TAOK2: variants seen among roughly 807,000 people sequenced by gnomAD.
TAOK2 encodes the protein serine/threonine-protein kinase TAO2.
Under a neutral mutation model 122.5 loss-of-function variants are expected in TAOK2, and 42 were observed. The ratio of observed to expected loss-of-function variants is 0.34; its 90% confidence interval spans 0.27 to 0.44. The LOEUF (loss-of-function observed/expected upper bound fraction) is 0.44, where lower values mean the gene tolerates loss of function less well. Among genes scored for constraint, TAOK2 ranks in the 20% least tolerant of loss-of-function variants. TAOK2 has a pLI of 1.00. For missense variants in TAOK2, 1,264 were observed against 1,644.9 expected (o/e 0.77, Z 4.01); for synonymous variants, 704 against 677.6 (o/e 1.04, Z -0.61).
chr16:29,990,810 A>G, downstream of TAOK2: 1 of 1,611,462 alleles, frequency 6.2e-7, no homozygotes, highest in Non-Finnish European at 8.5e-7. Context: ...CCCAGGAGGC[A>G]GAGTTCCAGG....
Position 29,978,781 on chromosome 16 carries a change from C to G in TAOK2, c.307-18C>G. ...CTGCCCAGGAGACTCTGATCTCTGA[C>G]CCTTGTCTCTTCCTTAGCTGGTAAT... On this transcript the variant is annotated intron_variant, in intron 4 of 15. Transcript: ENST00000308893. The G allele has an allele frequency of 6.2e-7, 1 of 1,614,008 alleles. No individual in the cohort carries two copies. The highest frequency in any genetic ancestry group is 8.5e-7 in the Non-Finnish European group (1 of 1,179,974).
chr16:29,986,189 C>T lies in TAOK2; in HGVS notation c.1993-76C>T, dbSNP rs751681982. On this transcript the variant is annotated intron_variant, in intron 15 of 15. Transcript: ENST00000308893. This position sits in a 1 kb window ranked among gnomAD's most constrained non-coding sequence, Gnocchi z 4.2. The stretch of plus-strand genomic sequence containing the variant: ...GTGTTTCTTCCGCCATCCCCAGCTC[C>T]CTCTGCCAAGGAGCCCTGGCCTCTC... 1 of 1,498,742 alleles carries T rather than the reference C, an allele frequency of 6.7e-7. No individual in the cohort carries two copies. Among genetic ancestry groups the T allele is most frequent in the Non-Finnish European group, 8.9e-7 (1 of 1,124,860 alleles). The allele number at this position is 1,498,742 out of a possible 1,614,324, so 92.8% of individuals were successfully genotyped here. A position where few individuals can be genotyped will look rare whatever the true frequency, so the allele number is the denominator to read the frequency against.
chr16:29,985,384 C>T lies in TAOK2; in HGVS notation c.1594C>T (p.Arg532Trp), dbSNP rs373048486. 2.3e-5 allele frequency: 37 copies of T among 1,609,010 alleles called. No individual in the cohort carries two copies. The highest frequency in any genetic ancestry group is 2.7e-5 in the African/African-American group (2 of 74,858). The part of the protein sequence containing the change: ...ARLQRELEAQ[R>W]AGFGAEAEKL... The stretch of plus-strand genomic sequence containing the variant: ...GCTGCAGCGGGAGCTTGAGGCGCAG[C>T]GGGCTGGCTTTGGGGCAGAGGCAGA... The change falls in exon 14 of 16, where the codon CGG (arginine) becomes TGG (tryptophan). Residue 532 changes from arginine to tryptophan, a missense_variant. Arg to Trp is a moderately radical substitution (Grantham distance 101, BLOSUM62 -3). Around this residue, in one of 4 missense-constraint regions of TAOK2, gnomAD observed 64 missense variants for 115.7 expected, o/e 0.55. Coordinates refer to ENST00000308893, the MANE Select transcript of TAOK2 (RefSeq NM_016151.4). This position sits in a 1 kb window ranked among gnomAD's most constrained non-coding sequence, Gnocchi z 6.9.
downstream of TAOK2, chr16:29,990,826 C>T (rs376168411): frequency 3.1e-6 from 5 of 1,613,038 alleles, no homozygotes; most frequent in Non-Finnish European, 4.2e-6. Context: ...CCAGGCCCTT[C>T]GGCAGCAGCT....
At chr16:29,978,508 C>T (rs760427792) in intron 4 of TAOK2, among the ~76,000 whole-genome samples, 155 bp downstream of exon 4, 1 of 152,172 alleles carries the variant, frequency 6.6e-6, no homozygotes, top group African/African-American at 2.4e-5. Context: ...CAGACATACC[C>T]ACTGAGCAAA....
downstream of TAOK2, chr16:29,991,668 A>G: frequency 7.4e-7 from 1 of 1,347,990 alleles, no homozygotes. This position sits in a 1 kb window ranked among gnomAD's most constrained non-coding sequence, Gnocchi z 5.6. Flanking sequence ...GGTAGGGGAC[A>G]AGATGTAGGC....
chr16:29,987,865 T>C lies in TAOK2; in HGVS notation c.3593T>C (p.Leu1198Pro), dbSNP rs1596619394. The C allele has an allele frequency of 1.2e-6, 2 of 1,608,410 alleles. No homozygotes were observed. Among genetic ancestry groups the C allele is most frequent in the Non-Finnish European group, 1.7e-6 (2 of 1,178,892 alleles). Residue 1198 changes from leucine to proline, a missense_variant, in exon 16 of 16, where the codon CTA becomes CCA. By Grantham distance (98) the Leu-to-Pro change is moderately conservative (BLOSUM62 -3). Transcript: ENST00000308893. ...CGGCCCACCCGAATCCCCCGGCTAC[T>C]ACCACGCAGCCAGCGCCAGCTAGGG... ...GERPTRIPRL[L>P]PRSQRQLGPP...
At chr16:29,989,409 C>T, downstream of TAOK2, 1 of 968,020 alleles carries the variant, frequency 1.0e-6, no homozygotes, top group Non-Finnish European at 1.2e-6. Context: ...GTATACAGCT[C>T]CCCCCACCCC....
rs1303323663 is a variant in TAOK2, at chr16:29,983,277, T to G, written c.1205T>G (p.Met402Arg). The change falls in exon 12 of 16, where the codon ATG (methionine) becomes AGG (arginine). Residue 402 changes from methionine (M) to arginine (R), a missense_variant. This residue lies in a region of TAOK2 where 122 missense variants were observed against 116.7 expected (regional missense o/e 1.04). Coordinates refer to ENST00000308893, the MANE Select transcript of TAOK2 (RefSeq NM_016151.4). ...CCTGAAGCCCGGGAGATGGCCATGA[T>G]GCAGGAGGGGGAGCACACAGTCACC... ...EGPEAREMAM[M>R]QEGEHTVTSH... 1.2e-6 allele frequency: 2 copies of G among 1,605,754 alleles called. No homozygotes were observed. Among genetic ancestry groups the G allele is most frequent in the Admixed American group, 3.3e-5 (2 of 60,016 alleles).
At chr16:29,975,098 G>T (rs1375651631) in intron 1 of TAOK2, among the ~76,000 whole-genome samples, 1 of 152,148 alleles carries the variant, frequency 6.6e-6, no homozygotes, top group Non-Finnish European at 1.5e-5. Context: ...TTGCAAGGAA[G>T]TGTGTGTATA....
At chr16:29,977,687 T>C (rs2069496694) in intron 1 of TAOK2, 51 bp from the exon 2 acceptor site, 1 of 1,529,696 alleles carries the variant, frequency 6.5e-7, no homozygotes, top group Non-Finnish European at 8.8e-7. Flanking sequence ...TCCCTTCCTC[T>C]CCCTGAAGGC....
Position 29,983,251 on chromosome 16 carries a change from C to T in TAOK2, c.1179C>T (p.Gly393=). The change falls in exon 12 of 16, where the codon GGC becomes GGT. Residue 393 remains glycine (G), a synonymous_variant. Transcript: ENST00000308893. ...AGGAAGAGGAGGAGGAGGAAGAAGG[C>T]CCTGAAGCCCGGGAGATGGCCATGA... The part of the protein sequence containing the change: ...EEEEEEEEEE[G]PEAREMAMMQ... 3 of 1,609,890 alleles carry T rather than the reference C, an allele frequency of 1.9e-6. No individual in the cohort carries two copies. The highest frequency in any genetic ancestry group is 1.7e-6 in the Non-Finnish European group (2 of 1,179,844).
At chr16:29,991,705 T>C (rs1433212919), downstream of TAOK2, 4 of 1,143,122 alleles carry the variant, frequency 3.5e-6, no homozygotes, top group Admixed American at 4.0e-5. The surrounding 1 kb of genome is among the most constrained non-coding windows in gnomAD (Gnocchi z 5.6). Flanking sequence ...CCTCCTCATC[T>C]CATGAGCTTC....
intron 9 of TAOK2, 22 bp downstream of exon 9, chr16:29,981,776 C>G: frequency 6.2e-7 from 1 of 1,613,684 alleles, no homozygotes; most frequent in Non-Finnish European, 8.5e-7. Context: ...GATTCCGAAT[C>G]TGGGCCCAGG....
downstream of TAOK2, chr16:29,990,732 A>T: frequency 6.5e-6 from 10 of 1,540,484 alleles, no homozygotes; most frequent in Non-Finnish European, 8.8e-6. Context: ...GCAGGGGAGG[A>T]TAGTGGGGGT....
At chr16:29,989,058 C>T, downstream of TAOK2, 2 of 985,422 alleles carry the variant, frequency 2.0e-6, no homozygotes, top group Non-Finnish European at 2.4e-6. Flanking sequence ...CTGCCTTCCT[C>T]CCTGAGCTGC....
chr16:29,985,197 C>T lies in TAOK2; in HGVS notation c.1423-16C>T. 6 of 1,495,178 alleles carry T rather than the reference C, an allele frequency of 4.0e-6. No homozygotes were observed. Among genetic ancestry groups the T allele is most frequent in the Non-Finnish European group, 5.4e-6 (6 of 1,121,390 alleles). The allele number at this position is 1,495,178 out of a possible 1,614,324, so 92.6% of individuals were successfully genotyped here. On this transcript the variant is annotated splice_polypyrimidine_tract_variant and intron_variant, in intron 13 of 15. Coordinates refer to ENST00000308893, the MANE Select transcript of TAOK2 (RefSeq NM_016151.4). This position sits in a 1 kb window ranked among gnomAD's most constrained non-coding sequence, Gnocchi z 6.9. ...GCCAGGCTGAGCCCCAGCTCTCACCCTCTCTCCTTCCCCAGGTCAGCCGTC... is the reference window on the plus strand; with the variant it reads ...GCCAGGCTGAGCCCCAGCTCTCACCTTCTCTCCTTCCCCAGGTCAGCCGTC...
At chr16:29,991,679 T>G, downstream of TAOK2, 1 of 1,308,692 alleles carries the variant, frequency 7.6e-7, no homozygotes, top group East Asian at 3.1e-5. This position sits in a 1 kb window ranked among gnomAD's most constrained non-coding sequence, Gnocchi z 5.6. Context: ...AGATGTAGGC[T>G]CCAGCTCCCC....
intron 8 of TAOK2, chr16:29,981,147 T>G (rs1350891204): frequency 1.1e-5 from 2 of 187,852 alleles, no homozygotes; most frequent in East Asian, 2.8e-4. Flanking sequence ...TACAAAGCCC[T>G]TCTCTGAATT....
Sources: gnomAD v4.1 joint callset for allele counts (sites outside exome capture counted in the v4.1 genomes callset) on GRCh38, gnomAD v4.1.1 for gene constraint, gnomAD v4.1.1 regional missense constraint, Gnocchi (gnomAD v3.1) non-coding constraint, MANE v1.5 for transcripts, NCBI Gene and HGNC (gene_info 2026-07-23, HGNC 2026-07-21) for gene names.